C14orf132: variants seen among roughly 807,000 people sequenced by gnomAD.
C14orf132 encodes the protein chromosome 14 open reading frame 132.
A neutral mutation model predicts 5.8 loss-of-function variants in C14orf132; 6 were observed. That is an observed-to-expected ratio of 1.03 (90% CI 0.57 to 2.04). C14orf132 has a LOEUF of 2.04. Among genes scored for constraint, C14orf132 ranks in the 30% most tolerant of loss-of-function variants. C14orf132 has a pLI of 0.00. For synonymous variants in C14orf132, 51 were observed against 49.8 expected, an observed-to-expected ratio of 1.02 and a Z score of -0.10; for missense variants, 125 against 115.8, an observed-to-expected ratio of 1.08 and a Z score of -0.37.
chr14:96,040,491 G>T (rs910320018), intron 1 of C14orf132: 29 of 388,608 alleles, frequency 7.5e-5, no homozygotes, highest in South Asian at 1.4e-4. Context: ...GTGTGGCAGG[G>T]ACCCCATCTG....
rs997728497 is a variant in C14orf132 at position 96,087,815 on chromosome 14, C to A, written c.*1080C>A. On this transcript the variant is annotated 3_prime_UTR_variant, in exon 2 of 2. Coordinates refer to ENST00000555004, the MANE Select transcript of C14orf132 (RefSeq NM_001252507.3). ...CCTGAAGCTGTGAAAGTGCTTCTGC[C>A]CAAGCCACTTCCTTAAATTCTGAAA... The A allele has an allele frequency of 6.6e-6, 1 of 152,150 alleles. No individual in the cohort carries two copies. Among genetic ancestry groups the A allele is most frequent in the Non-Finnish European group, 1.5e-5 (1 of 68,036 alleles). The allele number at this position is 152,150 out of a possible 1,614,324, so 9.4% of individuals were successfully genotyped here.
At chr14:96,050,315 C>A (rs1007749795) in intron 1 of C14orf132, among the ~76,000 whole-genome samples, 13 of 152,108 alleles carry the variant, frequency 8.5e-5, no homozygotes, top group African/African-American at 3.1e-4. Context: ...CAGGATCAAG[C>A]CAAATTTAAT....
intron 1 of C14orf132, among the ~76,000 whole-genome samples, chr14:96,054,084 G>C (rs149943613): frequency 6.6e-6 from 1 of 152,124 alleles, no homozygotes; most frequent in Non-Finnish European, 1.5e-5. Flanking sequence ...GTTCTGACTC[G>C]TCTGTTTGCG....
In C14orf132 at chr14:96,089,794, C is replaced by T. The variant is rs560604969; in HGVS notation, c.*3059C>T. On this transcript the variant is annotated 3_prime_UTR_variant, in exon 2 of 2. Transcript: ENST00000555004. ...TGGGATGCAGGCAGAAGGGGACCCT[C>T]CCTGGCCAACACCCAGGAGCCCAGC... 1.0e-4 allele frequency: 16 copies of T among 152,498 alleles called. No individual in the cohort carries two copies. The highest frequency in any genetic ancestry group is 3.6e-4 in the African/African-American group (15 of 41,566). The allele number at this position is 152,498 out of a possible 1,614,324, so 9.4% of individuals were successfully genotyped here. A position where few individuals can be genotyped will look rare whatever the true frequency, so the allele number is the denominator to read the frequency against.
At position 96,091,041 on chromosome 14, in the gene C14orf132, T is replaced by A. The variant is rs1474701628; in HGVS notation, c.*4306T>A. The A allele has an allele frequency of 6.6e-6, 3 of 455,886 alleles. No individual in the cohort carries two copies. Among genetic ancestry groups the A allele is most frequent in the Admixed American group, 2.4e-5 (1 of 42,546 alleles). 28.2% of individuals were successfully genotyped at this position (455,886 alleles called of 1,614,324 possible). The stretch of plus-strand genomic sequence containing the variant: ...CTCAAATTGCCCCTGGGGGCAGGAA[T>A]GAGGATGCAGAGAGATGCACGTTAA... On this transcript the variant is annotated 3_prime_UTR_variant, in exon 2 of 2. Coordinates refer to ENST00000555004, the MANE Select transcript of C14orf132 (RefSeq NM_001252507.3).
intron 1 of C14orf132, among the ~76,000 whole-genome samples, chr14:96,072,126 G>A (rs1020596957): frequency 1.5e-4 from 23 of 152,224 alleles, no homozygotes; most frequent in Non-Finnish European, 3.1e-4. Context: ...TCAGGGAGCC[G>A]TGCCCACGCT....
chr14:96,039,407 C>A lies in C14orf132; in HGVS notation c.-94C>A, dbSNP rs1886620008. 4.6e-6 allele frequency: 6 copies of A among 1,291,836 alleles called. No homozygotes were observed. The South Asian group carries it at 7.0e-5, about 15-fold the overall frequency. 80.0% of individuals were successfully genotyped at this position (1,291,836 alleles called of 1,614,324 possible). A position where few individuals can be genotyped will look rare whatever the true frequency, so the allele number is the denominator to read the frequency against. ...GTGCGCCGTGCGGTCTCCGGACGCT[C>A]GCTGCTCAGCCCGATCCCCGCCAAC... On this transcript the variant is annotated 5_prime_UTR_variant, in exon 1 of 2. Coordinates refer to ENST00000555004, the MANE Select transcript of C14orf132 (RefSeq NM_001252507.3). The surrounding 1 kb of genome is among the most constrained non-coding windows in gnomAD (Gnocchi z 5.3).
rs572878565 is a variant in C14orf132, at chr14:96,083,392, G to A, written c.28-3119G>A. 3.9e-5 allele frequency among the ~76,000 whole-genome samples: 6 copies of A among 152,296 alleles called. No homozygotes were observed. The East Asian group carries it at 9.7e-4, about 25-fold the overall frequency. On this transcript the variant is annotated intron_variant, in intron 1 of 1. Coordinates refer to ENST00000555004, the MANE Select transcript of C14orf132 (RefSeq NM_001252507.3). ...TGATGCCCCCACCAAGGATGTCCAC[G>A]TCCTAACCCCTAGAACCTGTGGATG...
intron 1 of C14orf132, among the ~76,000 whole-genome samples, chr14:96,049,527 C>CACATATATACATACGTATATATAT (rs1595169017): frequency 7.6e-6 from 1 of 132,158 alleles, no homozygotes; most frequent in South Asian, 2.3e-4. Flanking sequence ...TATATATATA[C>CACATATATACATACGTATATATAT]ACATATATAC....
chr14:96,045,661 A>AT (rs1282672929), intron 1 of C14orf132, among the ~76,000 whole-genome samples: 1 of 152,222 alleles, frequency 6.6e-6, no homozygotes, highest in Non-Finnish European at 1.5e-5. Flanking sequence ...TGAAACTTTG[A>AT]TTTTCTCATG....
At chr14:96,052,700 C>A (rs546028587) in intron 1 of C14orf132, among the ~76,000 whole-genome samples, 4 of 152,196 alleles carry the variant, frequency 2.6e-5, no homozygotes, top group African/African-American at 7.2e-5. Flanking sequence ...CCAAGTCCCC[C>A]ACCCTTGCCC....
At chr14:96,084,591 T>C (rs1488064637) in intron 1 of C14orf132, among the ~76,000 whole-genome samples, 1 of 152,236 alleles carries the variant, frequency 6.6e-6, no homozygotes, top group Non-Finnish European at 1.5e-5. Flanking sequence ...ATATTCTTGT[T>C]TGCATTGGTC....
chr14:96,049,074 A>T (rs1434677195), intron 1 of C14orf132, among the ~76,000 whole-genome samples: 5 of 152,058 alleles, frequency 3.3e-5, no homozygotes, highest in Non-Finnish European at 4.4e-5. Context: ...TCAGGTGCCC[A>T]CCACTGTATC....
intron 1 of C14orf132, among the ~76,000 whole-genome samples, chr14:96,054,869 T>A (rs185862752): frequency 6.6e-6 from 1 of 152,220 alleles, no homozygotes; most frequent in Non-Finnish European, 1.5e-5. Context: ...CATTCACTAA[T>A]GTGGCCAGTG....
intron 1 of C14orf132, among the ~76,000 whole-genome samples, chr14:96,049,544 A>G (rs1031732500): frequency 1.2e-4 from 15 of 126,566 alleles, no homozygotes; most frequent in South Asian, 2.4e-4. Flanking sequence ...ATACATACGT[A>G]TATATATACA....
At chr14:96,055,563 C>A (rs530139621) in intron 1 of C14orf132, among the ~76,000 whole-genome samples, 4 of 152,320 alleles carry the variant, frequency 2.6e-5, no homozygotes, top group Non-Finnish European at 4.4e-5. Context: ...TCTGGGCCTG[C>A]ATCTCAGCTT....
intron 1 of C14orf132, among the ~76,000 whole-genome samples, chr14:96,075,815 G>A (rs8020851): frequency 0.55 from 83,350 of 151,902 alleles, 23,426 homozygotes; most frequent in East Asian, 0.9. Context: ...CCAATATCTC[G>A]TTGACTACTT....
chr14:96,068,462 C>T (rs1642219760), intron 1 of C14orf132, among the ~76,000 whole-genome samples: 1 of 152,192 alleles, frequency 6.6e-6, no homozygotes, highest in African/African-American at 2.4e-5. Flanking sequence ...TTCCAGCCTT[C>T]AGCCTCCCTG....
intron 1 of C14orf132, among the ~76,000 whole-genome samples, chr14:96,049,563 TATATATACATATATAC>T (rs1886948770): frequency 8.9e-6 from 1 of 111,854 alleles, no homozygotes; most frequent in African/African-American, 3.0e-5. Context: ...CATATATACG[TATATATACATATATAC>T]GTATATATAT....
Sources: allele counts gnomAD v4.1 joint callset (sites outside exome capture counted in the v4.1 genomes callset), GRCh38; gene constraint gnomAD v4.1.1; non-coding constraint Gnocchi (gnomAD v3.1); transcripts MANE v1.5; gene names NCBI Gene and HGNC (gene_info 2026-07-23, HGNC 2026-07-21).